TNNT2: variants seen among roughly 807,000 people sequenced by gnomAD.
The protein encoded by TNNT2 is troponin T2, cardiac type.
In TNNT2, 34 loss-of-function variants were observed where a neutral mutation model predicts 62.4. The ratio of observed to expected loss-of-function variants is 0.54; its 90% confidence interval spans 0.41 to 0.72. The LOEUF (loss-of-function observed/expected upper bound fraction) is 0.72. TNNT2 is among the 30% of genes least tolerant of loss of function. The pLI is 0.00. For missense variants in TNNT2, 275 were observed against 381.9 expected (o/e 0.72, Z 2.33); for synonymous variants, 123 against 127.2 (o/e 0.97, Z 0.22).
At chr1:201,367,884 C>T (rs1256392411) in intron 6 of TNNT2, 78 bp from the exon 7 acceptor site, 2 of 1,545,958 alleles carry the variant, frequency 1.3e-6, no homozygotes, top group East Asian at 4.5e-5. Flanking sequence ...CAAGAGCCTT[C>T]CCCACAGATA....
intron 15 of TNNT2, among the ~76,000 whole-genome samples, chr1:201,360,007 C>T (rs568990947): frequency 2.0e-5 from 3 of 152,186 alleles, no homozygotes; most frequent in Non-Finnish European, 4.4e-5. Context: ...CAGCCCCAGA[C>T]CCCTCTGGGG....
rs121964861 is a variant in TNNT2 at position 201,359,636 on chromosome 1, C to T, written c.838G>A (p.Asp280Asn). The change falls in exon 16 of 17, where the codon GAT becomes AAT. Residue 280 changes from aspartate to asparagine, a missense_variant. Coordinates refer to ENST00000656932, the MANE Select transcript of TNNT2 (RefSeq NM_001276345.2). ...TCAGACACTTACACTTTCTGGTTATCGTTGATCCTGTTTCGGAGAACATTG... is the reference window on the plus strand; with the variant it reads ...TCAGACACTTACACTTTCTGGTTATTGTTGATCCTGTTTCGGAGAACATTG... ...EINVLRNRIN[D>N]NQKVSKTRGK... is the part of the protein sequence containing the mutation. The T allele has an allele frequency of 3.8e-6, 6 of 1,598,810 alleles. No individual in the cohort carries two copies. The highest frequency in any genetic ancestry group is 5.1e-6 in the Non-Finnish European group (6 of 1,171,222).
chr1:201,369,397 C>T, intron 5 of TNNT2: 1 of 475,770 alleles, frequency 2.1e-6, no homozygotes. Flanking sequence ...CCCAGACCCC[C>T]CAACCAACAC....
intron 16 of TNNT2, 100 bp downstream of exon 16, chr1:201,359,523 G>A (rs1039543304): frequency 1.0e-5 from 13 of 1,258,616 alleles, no homozygotes; most frequent in Non-Finnish European, 1.4e-5. Context: ...AGGAGGAAGG[G>A]CTGGGAGCCT....
chr1:201,361,545 C>A (rs1362814990), intron 14 of TNNT2, among the ~76,000 whole-genome samples, 176 bp from the exon 15 acceptor site: 1 of 152,216 alleles, frequency 6.6e-6, no homozygotes, highest in Non-Finnish European at 1.5e-5. Flanking sequence ...GACGGCAGCA[C>A]CCAGTGCTCA....
In TNNT2 at chr1:201,373,173, G is replaced by A. The variant is rs45548233; in HGVS notation, c.41+41C>T. ...CTGGACCAGGTGTCAGGGCAGCGGC[G>A]GGAGAGGACCCCACTCAGGCAAGAT... is the stretch of plus-strand genomic sequence containing the variant. On this transcript the variant is annotated intron_variant, in intron 2 of 16. Transcript: ENST00000656932. 985 of 1,604,714 alleles carry A rather than the reference G, an allele frequency of 6.1e-4. 3 individuals carry two copies. Among genetic ancestry groups the A allele is most frequent in the South Asian group, 2.5e-4 (23 of 90,894 alleles).
At chr1:201,361,391 TG>T (rs766893076) in intron 14 of TNNT2, 22 bp from the exon 15 acceptor site, 2 of 1,609,420 alleles carry the variant, frequency 1.2e-6, no homozygotes, top group East Asian at 2.2e-5. Flanking sequence ...AGGGTGAGAA[TG>T]GGGAGGTCCA....
intron 5 of TNNT2, chr1:201,369,346 C>T: frequency 2.1e-6 from 1 of 473,348 alleles, no homozygotes; most frequent in Non-Finnish European, 4.4e-6. Context: ...CCTGCTCTGG[C>T]TATTTCCAGT....
At position 201,365,251 on chromosome 1, in the gene TNNT2, C is replaced by T. The variant is rs1659436211; in HGVS notation, c.351G>A (p.Glu117=). The part of the protein sequence containing the change: ...KDLNELQALI[E]AHFENRKKEE... Reference sequence around the variant, plus strand: ...CTTTCTTCCTGTTCTCAAAGTGAGCCTCGATCAGCGCCTGCAACTCATTCA... The same window carrying T: ...CTTTCTTCCTGTTCTCAAAGTGAGCTTCGATCAGCGCCTGCAACTCATTCA... Residue 117 remains glutamate (E), a synonymous_variant, in exon 10 of 17, where the codon GAG becomes GAA. Coordinates refer to ENST00000656932, the MANE Select transcript of TNNT2 (RefSeq NM_001276345.2). 3.7e-6 allele frequency: 6 copies of T among 1,614,170 alleles called. No homozygotes were observed. The highest frequency in any genetic ancestry group is 8.5e-7 in the Non-Finnish European group (1 of 1,180,022).
intron 8 of TNNT2, chr1:201,366,424 C>T: frequency 1.8e-6 from 2 of 1,109,828 alleles, no homozygotes; most frequent in South Asian, 5.0e-5. Flanking sequence ...AGCCGTCCTG[C>T]CCTCTCTCAG....
At chr1:201,369,214 C>T (rs1660197686) in intron 5 of TNNT2, 1 of 458,430 alleles carries the variant, frequency 2.2e-6, no homozygotes, top group Non-Finnish European at 4.6e-6. Context: ...AACCCACCTA[C>T]TGCATCTTGA....
At chr1:201,377,010 A>G (rs755126828) in intron 1 of TNNT2, among the ~76,000 whole-genome samples, 13 of 152,204 alleles carry the variant, frequency 8.5e-5, no homozygotes, top group Non-Finnish European at 1.8e-4. Context: ...AGCGGCATCA[A>G]ATGGAATTCC....
intron 14 of TNNT2, 56 bp downstream of exon 14, chr1:201,361,857 A>G (rs1183099768): frequency 2.0e-6 from 3 of 1,521,388 alleles, no homozygotes; most frequent in African/African-American, 1.4e-5. Flanking sequence ...CCTTGGCCCG[A>G]CCCCTCCCAG....
At chr1:201,374,876 G>C (rs1234026475) in intron 1 of TNNT2, 1 of 152,242 alleles carries the variant, frequency 6.6e-6, no homozygotes, top group Non-Finnish European at 1.5e-5. Flanking sequence ...GCTTCCAAGG[G>C]AGAGAATGGA....
At chr1:201,371,134 C>T (rs1660551013) in intron 4 of TNNT2, among the ~76,000 whole-genome samples, 1 of 152,158 alleles carries the variant, frequency 6.6e-6, no homozygotes, top group Non-Finnish European at 1.5e-5. Flanking sequence ...CTTGGACCTT[C>T]ATAGAGACCC....
chr1:201,360,912 A>T, intron 15 of TNNT2: 1 of 369,298 alleles, frequency 2.7e-6, no homozygotes, highest in South Asian at 2.2e-5. Flanking sequence ...ATGTGGGGAG[A>T]AGCACCTCTC....
intron 8 of TNNT2, chr1:201,366,626 T>C: frequency 6.9e-7 from 1 of 1,455,634 alleles, no homozygotes; most frequent in Non-Finnish European, 9.1e-7. Flanking sequence ...GGTGCACGAT[T>C]GGTGATGGAG....
At chr1:201,360,243 C>T (rs1196768265) in intron 15 of TNNT2, among the ~76,000 whole-genome samples, 1 of 152,220 alleles carries the variant, frequency 6.6e-6, no homozygotes, top group African/African-American at 2.4e-5. Flanking sequence ...GGGTGCCAGG[C>T]TCTGTCCTGA....
At chr1:201,362,537 T>C (rs1304812870) in intron 12 of TNNT2, 143 bp from the exon 13 acceptor site, 15 of 1,049,530 alleles carry the variant, frequency 1.4e-5, no homozygotes, top group Admixed American at 2.3e-5. Context: ...CCGGGTTTAC[T>C]AGGACGTGGG....
Sources: gnomAD v4.1 joint callset for allele counts (sites outside exome capture counted in the v4.1 genomes callset) on GRCh38, gnomAD v4.1.1 for gene constraint, MANE v1.5 for transcripts, NCBI Gene and HGNC (gene_info 2026-07-23, HGNC 2026-07-21) for gene names.